TJP1: variants seen among roughly 807,000 people sequenced by gnomAD.
TJP1 encodes the protein tight junction protein 1, also known as tight junction protein ZO-1.
In TJP1, 43 loss-of-function variants were observed where a neutral mutation model predicts 194.2. That is an observed-to-expected ratio of 0.22 (90% CI 0.17 to 0.29). The LOEUF is 0.29. TJP1 is among the 10% of genes least tolerant of loss of function. TJP1 has a pLI of 1.00. For synonymous variants in TJP1, 801 were observed against 779.0 expected (o/e 1.03, Z -0.47); for missense variants, 1,971 against 2,185.7 (o/e 0.90, Z 1.96).
intron 18 of TJP1, among the ~76,000 whole-genome samples, chr15:29,722,023 T>C (rs2042959073): frequency 6.6e-6 from 1 of 152,198 alleles, no homozygotes; most frequent in Non-Finnish European, 1.5e-5. Context: ...CACAAACAGA[T>C]TATCTGAAAC....
At chr15:29,736,015 G>A (rs2044009895) in intron 11 of TJP1, among the ~76,000 whole-genome samples, 1 of 152,096 alleles carries the variant, frequency 6.6e-6, no homozygotes, top group East Asian at 1.9e-4. Flanking sequence ...AGTTTTAAAA[G>A]TATCAGTAAA....
At chr15:29,894,197 G>A (rs147741832) in intron 2 of TJP1, among the ~76,000 whole-genome samples, 86 of 152,282 alleles carry the variant, frequency 5.6e-4, no homozygotes, top group Non-Finnish European at 1.0e-3. Flanking sequence ...GGTGGCTCAC[G>A]CCTGTAATCC....
At chr15:29,907,795 C>T (rs77673700) in intron 2 of TJP1, among the ~76,000 whole-genome samples, 2,216 of 152,014 alleles carry the variant, frequency 0.015, 49 homozygotes, top group African/African-American at 0.051. Context: ...CAGGTTCCCG[C>T]GACCTCTTTT....
At chr15:29,722,345 A>G (rs1428194512) in intron 18 of TJP1, among the ~76,000 whole-genome samples, 1 of 152,186 alleles carries the variant, frequency 6.6e-6, no homozygotes, top group Non-Finnish European at 1.5e-5. Flanking sequence ...GCCCTGCATC[A>G]TGGCTGTTCT....
At chr15:29,753,147 A>G (rs966726725) in intron 8 of TJP1, among the ~76,000 whole-genome samples, 3 of 152,196 alleles carry the variant, frequency 2.0e-5, no homozygotes, top group East Asian at 1.9e-4. Flanking sequence ...TGCTTTGGAT[A>G]TAGAGCTTAC....
chr15:29,939,975 T>C (rs990274548), intron 2 of TJP1, among the ~76,000 whole-genome samples: 1 of 152,120 alleles, frequency 6.6e-6, no homozygotes, highest in Admixed American at 6.5e-5. Context: ...GCAAAAAGCA[T>C]TAAGACACCA....
chr15:29,720,796 T>A, intron 18 of TJP1, 88 bp from the exon 19 acceptor site: 1 of 1,081,492 alleles, frequency 9.2e-7, no homozygotes, highest in Admixed American at 2.9e-5. Context: ...GAAAAGGATA[T>A]CTTTCTCTGG....
rs1158728520 is a variant in TJP1 at position 29,950,094 on chromosome 15, C to CTG, written c.306+6137_306+6138insCA. On this transcript the variant is annotated intron_variant, in intron 2 of 28. Transcript: ENST00000356107. ...ACCTCCACCACCACCATCTTCACCA[C>CTG]CACCTCCACCACCACCACCTCCACA... Among the ~76,000 whole-genome samples the CTG allele has an allele frequency of 9.4e-3, 500 of 53,254 alleles. 160 individuals carry two copies. Among genetic ancestry groups the CTG allele is most frequent in the African/African-American group, 0.034 (259 of 7,542 alleles). 34.9% of individuals were successfully genotyped at this position (53,254 alleles called of 152,430 possible).
chr15:29,720,507 A>G lies in TJP1; in HGVS notation c.2614T>C (p.Ser872Pro), dbSNP rs2042865850. The change falls in exon 19 of 28, where the codon TCT becomes CCT. Residue 872 changes from serine (S) to proline (P), a missense_variant. Coordinates refer to ENST00000614355, the MANE Select transcript of TJP1 (RefSeq NM_001330239.4). Reference protein sequence around the residue: ...LNDEVGTPPESAITRSSEPVR... With the variant: ...LNDEVGTPPEPAITRSSEPVR... ...GGCTCAGAGGACCGTGTAATGGCAG[A>G]CTCCGGTGGAGTCCCAACCTCATCA... 10 of 1,613,788 alleles carry G rather than the reference A, an allele frequency of 6.2e-6. No homozygotes were observed. The highest frequency in any genetic ancestry group is 8.5e-6 in the Non-Finnish European group (10 of 1,180,004).
rs2054170167 is a variant in TJP1 at position 29,915,973 on chromosome 15, A to C, written c.306+40259T>G. On this transcript the variant is annotated intron_variant, in intron 2 of 28. Coordinates refer to the TJP1 transcript ENST00000356107. ...AGGAGCTGTCCTCTTTTTAAAACTGATGCTTTAAAATCCACGTTATAAAAA... is the reference window on the plus strand; with the variant it reads ...AGGAGCTGTCCTCTTTTTAAAACTGCTGCTTTAAAATCCACGTTATAAAAA... 3.3e-5 allele frequency among the ~76,000 whole-genome samples: 5 copies of C among 152,118 alleles called. No homozygotes were observed. The South Asian group carries it at 1.0e-3, about 32-fold the overall frequency.
At chr15:29,903,480 T>C (rs888764536) in intron 2 of TJP1, among the ~76,000 whole-genome samples, 4 of 152,138 alleles carry the variant, frequency 2.6e-5, no homozygotes, top group Non-Finnish European at 5.9e-5. Flanking sequence ...AGTCTCGCTC[T>C]GTCGCCCAGG....
intron 2 of TJP1, among the ~76,000 whole-genome samples, chr15:29,876,993 AG>A (rs1283783119): frequency 6.6e-6 from 1 of 152,224 alleles, no homozygotes; most frequent in Non-Finnish European, 1.5e-5. Context: ...ATTTCAACTC[AG>A]GGTTGACTCA....
chr15:29,740,535 G>A (rs1443853103), intron 10 of TJP1, among the ~76,000 whole-genome samples: 1 of 152,024 alleles, frequency 6.6e-6, no homozygotes, highest in Non-Finnish European at 1.5e-5. Context: ...AGGAGGCTGA[G>A]GTGGGAGGAT....
chr15:29,766,249 G>T lies in TJP1; in HGVS notation c.589+17C>A. 1 of 1,601,306 alleles carries T rather than the reference G, an allele frequency of 6.2e-7. No homozygotes were observed. The highest frequency in any genetic ancestry group is 8.5e-7 in the Non-Finnish European group (1 of 1,174,998). ...AATTTTCATGTGAAAAAAACAGCAA[G>T]AGTTGGCAGAGAATACCTTCATTTT... On this transcript the variant is annotated intron_variant, in intron 5 of 27. Coordinates refer to ENST00000614355, the MANE Select transcript of TJP1 (RefSeq NM_001330239.4).
chr15:29,788,153 T>G (rs2047824010), intron 2 of TJP1, among the ~76,000 whole-genome samples: 1 of 152,220 alleles, frequency 6.6e-6, no homozygotes, highest in African/African-American at 2.4e-5. Context: ...ATTTTTCAAC[T>G]GATTTGTCTT....
intron 23 of TJP1, among the ~76,000 whole-genome samples, chr15:29,711,604 G>A (rs752704301): frequency 2.3e-4 from 35 of 152,124 alleles, no homozygotes; most frequent in Non-Finnish European, 4.3e-4. Flanking sequence ...GACCTCAAGT[G>A]AGCCGCCTGC....
Position 29,968,764 on chromosome 15 carries a change from TGTCC to T in TJP1, c.72_75del (p.Asp25ArgfsTer2). On this transcript the variant is annotated frameshift_variant, in exon 1 of 29. Coordinates refer to the TJP1 transcript ENST00000356107. LOFTEE classifies it high-confidence loss of function. ...GTCAGGTATTTCTGGTACTTCATCT[TGTCC>T]CCGCTCCGCTCGCGGGCAGGGCCCC... is the stretch of plus-strand genomic sequence containing the variant. 8.1e-7 allele frequency: 1 copy of T among 1,228,386 alleles called. No homozygotes were observed. Among genetic ancestry groups the T allele is most frequent in the Non-Finnish European group, 1.0e-6 (1 of 954,646 alleles). 76.1% of individuals were successfully genotyped at this position (1,228,386 alleles called of 1,614,324 possible).
chr15:29,915,651 A>T (rs1268934607), intron 2 of TJP1, among the ~76,000 whole-genome samples: 1 of 152,234 alleles, frequency 6.6e-6, no homozygotes, highest in African/African-American at 2.4e-5. Context: ...CCTAGAAAAG[A>T]ATTTAGAGCC....
intron 2 of TJP1, among the ~76,000 whole-genome samples, chr15:29,883,022 TA>T (rs1321354572): frequency 1.3e-5 from 2 of 152,302 alleles, no homozygotes; most frequent in East Asian, 3.9e-4. Flanking sequence ...TTGAAAGAGC[TA>T]ACCTAATTAA....
Sources: allele counts gnomAD v4.1 joint callset (sites outside exome capture counted in the v4.1 genomes callset), GRCh38; gene constraint gnomAD v4.1.1; transcripts MANE v1.5; gene names NCBI Gene and HGNC (gene_info 2026-07-23, HGNC 2026-07-21).